The following DCLK1 variants were observed in gnomAD, a reference collection of about 807,000 sequenced individuals.
DCLK1 encodes the protein doublecortin like kinase 1, also known as serine/threonine-protein kinase DCLK1.
A neutral mutation model predicts 86.2 loss-of-function variants in DCLK1; 16 were observed. The observed-to-expected ratio is 0.19, with a 90% CI of 0.13 to 0.28. The LOEUF (loss-of-function observed/expected upper bound fraction) is 0.28. Ranked by LOEUF, DCLK1 falls within the 10% of genes least tolerant of loss-of-function variation. DCLK1 has a pLI of 1.00. For missense variants in DCLK1, 590 were observed against 940.2 expected (o/e 0.63, Z 4.87); for synonymous variants, 369 against 370.5 (o/e 1.00, Z 0.05).
intron 5 of DCLK1, among the ~76,000 whole-genome samples, chr13:35,870,874 ACT>A (rs1872227115): frequency 6.6e-6 from 1 of 152,044 alleles, no homozygotes. Context: ...CAAATGGGAA[ACT>A]CTTCATAGGC....
intron 3 of DCLK1, among the ~76,000 whole-genome samples, chr13:36,036,138 A>T (rs577483008): frequency 6.6e-6 from 1 of 152,150 alleles, no homozygotes; most frequent in South Asian, 2.1e-4. Context: ...TTGCCATAAC[A>T]CCCATAAGTT....
At chr13:36,033,879 C>T (rs572183667) in intron 3 of DCLK1, among the ~76,000 whole-genome samples, 18 of 152,182 alleles carry the variant, frequency 1.2e-4, no homozygotes, top group South Asian at 2.1e-4. Flanking sequence ...GAGCCGAAGT[C>T]GCACCATTGC....
intron 3 of DCLK1, among the ~76,000 whole-genome samples, chr13:36,016,925 C>G (rs1445341819): frequency 6.6e-6 from 1 of 152,174 alleles, no homozygotes; most frequent in Non-Finnish European, 1.5e-5. Flanking sequence ...AGACTACTCT[C>G]ATTTTAAGTT....
rs567012860 is a variant in DCLK1 at position 36,105,913 on chromosome 13, C to T, written c.723+5956G>A. ...TGCCAGACAGAAAAGGCTCACAGGC[C>T]GGGTCAGGGCTCCAGCTGTCATAGA... On this transcript the variant is annotated intron_variant, in intron 3 of 16. Transcript: ENST00000360631. 2.0e-5 allele frequency among the ~76,000 whole-genome samples: 3 copies of T among 152,144 alleles called. No homozygotes were observed. The South Asian group carries it at 6.2e-4, about 32-fold the overall frequency.
intron 4 of DCLK1, among the ~76,000 whole-genome samples, chr13:35,916,675 C>A (rs1789786916): frequency 6.6e-6 from 1 of 152,142 alleles, no homozygotes; most frequent in Non-Finnish European, 1.5e-5. Flanking sequence ...CAGGTCAAAA[C>A]ATGAAACTTT....
At chr13:35,905,840 A>G (rs1237964819) in intron 4 of DCLK1, among the ~76,000 whole-genome samples, 2 of 127,562 alleles carry the variant, frequency 1.6e-5, no homozygotes, top group East Asian at 2.1e-4. Flanking sequence ...CTCCGTCTCA[A>G]AAAAAAAAAG....
intron 3 of DCLK1, among the ~76,000 whole-genome samples, chr13:35,985,879 T>G (rs1216148554): frequency 6.6e-6 from 1 of 152,174 alleles, no homozygotes; most frequent in East Asian, 1.9e-4. Context: ...AGATATTTTA[T>G]CAGGAAGAAA....
chr13:36,052,351 A>T (rs903308273), intron 3 of DCLK1, among the ~76,000 whole-genome samples: 2 of 152,194 alleles, frequency 1.3e-5, no homozygotes, highest in African/African-American at 4.8e-5. Flanking sequence ...AATTCAAAGA[A>T]GAATTTGTTT....
chr13:35,974,929 A>C (rs1036858702), intron 3 of DCLK1, among the ~76,000 whole-genome samples: 51 of 152,312 alleles, frequency 3.3e-4, no homozygotes, highest in African/African-American at 1.2e-3. Flanking sequence ...GGCCCTAGAA[A>C]ATGAACATAC....
intron 4 of DCLK1, among the ~76,000 whole-genome samples, chr13:35,934,924 G>A (rs950437523): frequency 2.0e-5 from 3 of 152,030 alleles, no homozygotes; most frequent in Admixed American, 2.0e-4. Flanking sequence ...AGAACACACA[G>A]CAGAATGAAC....
intron 3 of DCLK1, among the ~76,000 whole-genome samples, chr13:36,097,571 A>G (rs12428909): frequency 0.17 from 26,479 of 152,082 alleles, 2,731 homozygotes; most frequent in East Asian, 0.45. Context: ...TTTTAAAATT[A>G]CTCTAAATGG....
At chr13:35,783,444 TCAGA>T (rs1244731874) in intron 16 of DCLK1, among the ~76,000 whole-genome samples, 1 of 152,048 alleles carries the variant, frequency 6.6e-6, no homozygotes, top group African/African-American at 2.4e-5. Flanking sequence ...GTGTGGAAAA[TCAGA>T]CAGAGAATGT....
At chr13:35,850,647 TG>T in intron 6 of DCLK1, 42 of 1,447,110 alleles carry the variant, frequency 2.9e-5, no homozygotes, top group Non-Finnish European at 3.8e-5. Context: ...TGTATTTTGC[TG>T]TAAGACTTTT....
At chr13:35,839,232 C>T in intron 6 of DCLK1, 56 bp from the exon 7 acceptor site, 1 of 1,464,088 alleles carries the variant, frequency 6.8e-7, no homozygotes, top group Non-Finnish European at 9.4e-7. Context: ...CCTGAGTTTC[C>T]AGGGACCATG....
At chr13:35,830,330 G>A (rs1868852331) in intron 8 of DCLK1, among the ~76,000 whole-genome samples, 1 of 152,162 alleles carries the variant, frequency 6.6e-6, no homozygotes, top group African/African-American at 2.4e-5. Context: ...GGTAAAGGCT[G>A]CAGTGAGCCG....
At position 35,846,134 on chromosome 13, in the gene DCLK1, G is replaced by T. The variant is rs181540693; in HGVS notation, c.1036-6958C>A. The T allele has an allele frequency of 3.8e-4, 372 of 984,926 alleles. 1 individual carries two copies. In the African/African-American group the frequency reaches 5.9e-3, roughly 16 times the overall value. The allele number at this position is 984,926 out of a possible 1,614,324, so 61.0% of individuals were successfully genotyped here. A position where few individuals can be genotyped will look rare whatever the true frequency, so the allele number is the denominator to read the frequency against. On this transcript the variant is annotated intron_variant, in intron 6 of 16. Transcript: ENST00000360631. ...AGTTGATGGATTTAAAAAATATATT[G>T]CTGTGTCAAATGTTTTAACACAAAA...
At chr13:35,866,463 T>C (rs568705909) in intron 5 of DCLK1, among the ~76,000 whole-genome samples, 8,069 of 143,676 alleles carry the variant, frequency 0.056, 732 homozygotes, top group African/African-American at 0.19. Flanking sequence ...CTTTTTTTTT[T>C]TTTTTTTGAG....
chr13:35,933,852 T>A (rs1236394197), intron 4 of DCLK1, among the ~76,000 whole-genome samples: 1 of 152,266 alleles, frequency 6.6e-6, no homozygotes, highest in Non-Finnish European at 1.5e-5. Flanking sequence ...TCGTTACTTA[T>A]GCAAATTTCT....
At chr13:35,958,270 T>TCACCACCAACACCACTATAACCACCAC (rs1878232360) in intron 3 of DCLK1, among the ~76,000 whole-genome samples, 1 of 3,892 alleles carries the variant, frequency 2.6e-4, no homozygotes, top group East Asian at 0.019. Context: ...ACTATAACCA[T>TCACCACCAACACCACTATAACCACCAC]TACCACCATC....
Sources: allele counts gnomAD v4.1 joint callset (sites outside exome capture counted in the v4.1 genomes callset), GRCh38; gene constraint gnomAD v4.1.1; transcripts MANE v1.5; gene names NCBI Gene and HGNC (gene_info 2026-07-23, HGNC 2026-07-21).